Variants in CCNJ observed in about 807,000 individuals in gnomAD.
CCNJ encodes the protein cyclin J, also known as cyclin-J.
A neutral mutation model predicts 41.4 loss-of-function variants in CCNJ; 12 were observed. The ratio of observed to expected loss-of-function variants is 0.29; its 90% confidence interval spans 0.19 to 0.47. CCNJ has a LOEUF of 0.47. Among genes scored for constraint, CCNJ ranks in the 20% least tolerant of loss-of-function variants. The pLI, the probability that CCNJ is intolerant of heterozygous loss-of-function variation, is 1.00. For missense variants in CCNJ, 340 were observed against 464.6 expected (o/e 0.73, Z 2.47); for synonymous variants, 161 against 173.4 (o/e 0.93, Z 0.56).
At position 96,059,109 on chromosome 10, in the gene CCNJ, G is replaced by A. The variant is rs530847909; in HGVS notation, c.*868G>A. ...TAATATAGCTCAGAATGAAGTGGTA[G>A]TTCCTGTGATTCATAATACATATGT... On this transcript the variant is annotated 3_prime_UTR_variant, in exon 6 of 6. Transcript: ENST00000465148. 6.5e-6 allele frequency: 1 copy of A among 152,754 alleles called. No individual in the cohort carries two copies. The highest frequency in any genetic ancestry group is 1.9e-4 in the East Asian group (1 of 5,196). The allele number at this position is 152,754 out of a possible 1,614,324, so 9.5% of individuals were successfully genotyped here.
rs2080750323 is a variant in CCNJ at position 96,058,332 on chromosome 10, A to T, written c.*91A>T. On this transcript the variant is annotated 3_prime_UTR_variant, in exon 6 of 6. Coordinates refer to ENST00000465148, the MANE Select transcript of CCNJ (RefSeq NM_001134375.2). ...TAAACTTCTGTTCAAAAGGAAAGGG[A>T]TCTAAATGACATCAGAACTCTTCAG... 2 of 1,091,888 alleles carry T rather than the reference A, an allele frequency of 1.8e-6. No homozygotes were observed. Among genetic ancestry groups the T allele is most frequent in the Non-Finnish European group, 2.7e-6 (2 of 748,392 alleles). The allele number at this position is 1,091,888 out of a possible 1,614,324, so 67.6% of individuals were successfully genotyped here.
chr10:96,058,308 A>G lies in CCNJ; in HGVS notation c.*67A>G. The G allele has an allele frequency of 7.2e-7, 1 of 1,382,596 alleles. No individual in the cohort carries two copies. The highest frequency in any genetic ancestry group is 1.9e-5 in the Admixed American group (1 of 53,228). 85.6% of individuals were successfully genotyped at this position (1,382,596 alleles called of 1,614,324 possible). On this transcript the variant is annotated 3_prime_UTR_variant, in exon 6 of 6. Transcript: ENST00000465148. The stretch of plus-strand genomic sequence containing the variant: ...ATGAAGCTATGGGTAAGCGTTTTGT[A>G]AACTTCTGTTCAAAAGGAAAGGGAT...
chr10:96,058,667 TATTA>T lies in CCNJ; in HGVS notation c.*430_*433del. On this transcript the variant is annotated 3_prime_UTR_variant, in exon 6 of 6. Transcript: ENST00000465148. ...AGTCTTTTATGAAGGAAAGTTACAG[TATTA>T]ATTTTTGAAAAGGTTTTTTTTATTC... 3 of 399,620 alleles carry T rather than the reference TATTA, an allele frequency of 7.5e-6. No individual in the cohort carries two copies. The highest frequency in any genetic ancestry group is 1.3e-5 in the Non-Finnish European group (3 of 226,956). The allele number at this position is 399,620 out of a possible 1,614,324, so 24.8% of individuals were successfully genotyped here.
chr10:96,050,142 A>G, intron 2 of CCNJ, 114 bp from the exon 3 acceptor site: 1 of 746,848 alleles, frequency 1.3e-6, no homozygotes, highest in South Asian at 1.8e-5. Context: ...AGTCAAGAAA[A>G]GTATGTTTTA....
intron 2 of CCNJ, among the ~76,000 whole-genome samples, chr10:96,048,682 C>T (rs766450056): frequency 1.3e-5 from 2 of 152,208 alleles, no homozygotes; most frequent in Admixed American, 6.5e-5. Context: ...TAAGTGGAAT[C>T]ATACAATAAA....
In CCNJ at chr10:96,058,618, A is replaced by T. The variant is rs2080755655; in HGVS notation, c.*377A>T. The stretch of plus-strand genomic sequence containing the variant: ...CTTCTAAGTCAAAGACTAAATGTTT[A>T]TCTCATCTATGGACTTGCCAAACAG... On this transcript the variant is annotated 3_prime_UTR_variant, in exon 6 of 6. Transcript: ENST00000465148. The T allele has an allele frequency of 1.7e-5, 7 of 411,342 alleles. No homozygotes were observed. The highest frequency in any genetic ancestry group is 6.1e-4 in the Middle Eastern group (1 of 1,646). 25.5% of individuals were successfully genotyped at this position (411,342 alleles called of 1,614,324 possible).
At chr10:96,056,678 C>T in intron 3 of CCNJ, 23 bp from the exon 4 acceptor site, 3 of 1,549,092 alleles carry the variant, frequency 1.9e-6, no homozygotes, top group Non-Finnish European at 2.6e-6. Context: ...TTTCTCTCCC[C>T]TCCCATCCCC....
rs926412193 is a variant in CCNJ at position 96,060,071 on chromosome 10, A to G, written c.*1830A>G. The G allele has an allele frequency of 6.6e-6, 1 of 152,648 alleles. No individual in the cohort carries two copies. The highest frequency in any genetic ancestry group is 1.5e-5 in the Non-Finnish European group (1 of 68,046). The allele number at this position is 152,648 out of a possible 1,614,324, so 9.5% of individuals were successfully genotyped here. ...AAGTATCATCACTTTTCCTTTTTAA[A>G]GAAGGCTGCTAATTGGATTTTGGTA... On this transcript the variant is annotated 3_prime_UTR_variant, in exon 6 of 6. Transcript: ENST00000465148.
intron 2 of CCNJ, among the ~76,000 whole-genome samples, chr10:96,049,483 T>C (rs1283907572): frequency 3.2e-5 from 1 of 31,410 alleles, no homozygotes; most frequent in African/African-American, 1.8e-4. Context: ...TTCTTTTTCT[T>C]TTTTTTTTTT....
At chr10:96,053,927 G>A (rs1039007701) in intron 3 of CCNJ, among the ~76,000 whole-genome samples, 4 of 152,080 alleles carry the variant, frequency 2.6e-5, no homozygotes, top group Admixed American at 1.3e-4. Flanking sequence ...CTTAGTGTAT[G>A]TTAGGGATGA....
rs564380885 is a variant in CCNJ at position 96,053,853 on chromosome 10, A to T, written c.281-2848A>T. Among the ~76,000 whole-genome samples the T allele has an allele frequency of 3.3e-5, 5 of 152,186 alleles. No homozygotes were observed. The South Asian group carries it at 1.0e-3, about 32-fold the overall frequency. ...AATGAGCTCAGAATTTTTTTCTATG[A>T]ATTACCTTTTTCTTTTGTTTGCCCA... On this transcript the variant is annotated intron_variant, in intron 3 of 5. Transcript: ENST00000465148.
chr10:96,060,503 C>G lies in CCNJ; in HGVS notation c.*2262C>G, dbSNP rs2080792600. Reference sequence around the variant, plus strand: ...GGGTGGGATGGGGTGGTTGGAGAACCAGAACTATTTTTAAAACATTAGGTT... The same window carrying G: ...GGGTGGGATGGGGTGGTTGGAGAACGAGAACTATTTTTAAAACATTAGGTT... On this transcript the variant is annotated 3_prime_UTR_variant, in exon 6 of 6. Transcript: ENST00000465148. 1 of 152,200 alleles carries G rather than the reference C, an allele frequency of 6.6e-6. No individual in the cohort carries two copies. Among genetic ancestry groups the G allele is most frequent in the South Asian group, 2.1e-4 (1 of 4,812 alleles). 9.4% of individuals were successfully genotyped at this position (152,200 alleles called of 1,614,324 possible).
chr10:96,058,529 T>G lies in CCNJ; in HGVS notation c.*288T>G. The G allele has an allele frequency of 2.1e-6, 1 of 468,672 alleles. No individual in the cohort carries two copies. The highest frequency in any genetic ancestry group is 3.8e-6 in the Non-Finnish European group (1 of 266,200). The allele number at this position is 468,672 out of a possible 1,614,324, so 29.0% of individuals were successfully genotyped here. On this transcript the variant is annotated 3_prime_UTR_variant, in exon 6 of 6. Transcript: ENST00000465148. ...AAAAATATTCAGTACAACAGAAAAT[T>G]TGGACAGACTTCAATTTGCCATTTT...
intron 3 of CCNJ, among the ~76,000 whole-genome samples, chr10:96,054,969 A>G (rs1591014990): frequency 6.6e-6 from 1 of 152,344 alleles, no homozygotes. Flanking sequence ...ATCCAGAGAC[A>G]CTGAACTAAA....
intron 2 of CCNJ, among the ~76,000 whole-genome samples, chr10:96,046,950 T>TTTTCCAGGTG (rs2080381675): frequency 6.6e-6 from 1 of 152,180 alleles, no homozygotes; most frequent in Admixed American, 6.5e-5. Context: ...TCCATCAGTG[T>TTTTCCAGGTG]TTTCCAGGTG....
chr10:96,044,340 G>A lies in CCNJ; in HGVS notation c.-41-13G>A. 7.1e-7 allele frequency: 1 copy of A among 1,402,202 alleles called. No individual in the cohort carries two copies. Among genetic ancestry groups the A allele is most frequent in the Non-Finnish European group, 9.5e-7 (1 of 1,051,614 alleles). The allele number at this position is 1,402,202 out of a possible 1,614,324, so 86.9% of individuals were successfully genotyped here. Reference sequence around the variant, plus strand: ...GGAGCCGGCAGTGACCGCGCCTGGGGTGTGTCTTACAGACTCGAGTTGCCG... The same window carrying A: ...GGAGCCGGCAGTGACCGCGCCTGGGATGTGTCTTACAGACTCGAGTTGCCG... On this transcript the variant is annotated splice_polypyrimidine_tract_variant and intron_variant, in intron 1 of 5. Transcript: ENST00000465148.
At chr10:96,047,568 G>A (rs974101544) in intron 2 of CCNJ, among the ~76,000 whole-genome samples, 1 of 152,124 alleles carries the variant, frequency 6.6e-6, no homozygotes, top group African/African-American at 2.4e-5. Context: ...AGCCTGGGAG[G>A]TGGAGGGTGC....
At chr10:96,047,450 CCAGCCTGGGCAA>C (rs1287043075) in intron 2 of CCNJ, among the ~76,000 whole-genome samples, 1 of 152,106 alleles carries the variant, frequency 6.6e-6, no homozygotes, top group East Asian at 1.9e-4. Context: ...GAGCTGGAGA[CCAGCCTGGGCAA>C]CATAGCGAGA....
chr10:96,058,291 A>G lies in CCNJ; in HGVS notation c.*50A>G, dbSNP rs1190017818. 2.4e-5 allele frequency: 36 copies of G among 1,502,884 alleles called. No individual in the cohort carries two copies. The highest frequency in any genetic ancestry group is 2.6e-5 in the Non-Finnish European group (29 of 1,098,954). 93.1% of individuals were successfully genotyped at this position (1,502,884 alleles called of 1,614,324 possible). Reference sequence around the variant, plus strand: ...CCAGACTGCTTTGTGACATGAAGCTATGGGTAAGCGTTTTGTAAACTTCTG... The same window carrying G: ...CCAGACTGCTTTGTGACATGAAGCTGTGGGTAAGCGTTTTGTAAACTTCTG... On this transcript the variant is annotated 3_prime_UTR_variant, in exon 6 of 6. Transcript: ENST00000465148.
Sources: gnomAD v4.1 joint callset for allele counts (sites outside exome capture counted in the v4.1 genomes callset) on GRCh38, gnomAD v4.1.1 for gene constraint, MANE v1.5 for transcripts, NCBI Gene and HGNC (gene_info 2026-07-23, HGNC 2026-07-21) for gene names.